Variants in MAP3K2 observed in about 807,000 individuals in gnomAD.
MAP3K2 encodes the protein MAP/ERK kinase kinase 2.
MAP3K2 carries 24 observed loss-of-function variants against 80.3 expected under a neutral mutation model. That is an observed-to-expected ratio of 0.30 (90% CI 0.22 to 0.42). The LOEUF is 0.42. Ranked by LOEUF, MAP3K2 falls within the 10% of genes least tolerant of loss-of-function variation. The pLI is 1.00. For missense variants in MAP3K2, 608 were observed against 750.1 expected (o/e 0.81, Z 2.21); for synonymous variants, 244 against 253.7 (o/e 0.96, Z 0.36).
At chr2:127,336,653 A>C (rs1276364971) in intron 4 of MAP3K2, among the ~76,000 whole-genome samples, 1 of 152,242 alleles carries the variant, frequency 6.6e-6, no homozygotes, top group Non-Finnish European at 1.5e-5. Flanking sequence ...TGAATGAAAA[A>C]ATTGGGAAAA....
chr2:127,311,429 T>C (rs1054476000), intron 15 of MAP3K2, among the ~76,000 whole-genome samples: 4 of 152,164 alleles, frequency 2.6e-5, no homozygotes, highest in Non-Finnish European at 4.4e-5. Context: ...TCACCAATAT[T>C]GAACCAATGC....
chr2:127,329,558 T>G (rs926341713), intron 7 of MAP3K2, among the ~76,000 whole-genome samples: 1 of 152,186 alleles, frequency 6.6e-6, no homozygotes, highest in African/African-American at 2.4e-5. Context: ...GGTTTCACCA[T>G]GTTGGCTAGG....
At chr2:127,375,359 C>T (rs927134156) in intron 1 of MAP3K2, among the ~76,000 whole-genome samples, 1 of 152,052 alleles carries the variant, frequency 6.6e-6, no homozygotes, top group African/African-American at 2.4e-5. Flanking sequence ...GACACAGACA[C>T]CATTCACTCC....
intron 1 of MAP3K2, among the ~76,000 whole-genome samples, chr2:127,375,418 A>T (rs12692066): frequency 0.41 from 57,314 of 141,010 alleles, 11,831 homozygotes; most frequent in African/African-American, 0.54. Flanking sequence ...TTATTTATTT[A>T]TTTTTTTTTT....
At chr2:127,316,219 CAAG>C (rs975534836) in intron 14 of MAP3K2, among the ~76,000 whole-genome samples, 1 of 151,824 alleles carries the variant, frequency 6.6e-6, no homozygotes, top group African/African-American at 2.4e-5. Flanking sequence ...ACTAAAAATA[CAAG>C]AATTAGCTGG....
rs1685573872 is a variant in MAP3K2 at position 127,300,660 on chromosome 2, A to C, written c.*6919T>G. The C allele has an allele frequency of 6.6e-6, 1 of 152,194 alleles. No individual in the cohort carries two copies. Among genetic ancestry groups the C allele is most frequent in the Admixed American group, 6.5e-5 (1 of 15,280 alleles). 9.4% of individuals were successfully genotyped at this position (152,194 alleles called of 1,614,324 possible). On this transcript the variant is annotated 3_prime_UTR_variant, in exon 17 of 17. Coordinates refer to ENST00000682094, the MANE Select transcript of MAP3K2 (RefSeq NM_001371910.2). ...ACCAATAACAATAGAAAAAATGTAA[A>C]CCATTTACTAATTAAGATTGCATTA... is the stretch of plus-strand genomic sequence containing the variant.
chr2:127,304,671 T>C lies in MAP3K2; in HGVS notation c.*2908A>G, dbSNP rs1685662083. On this transcript the variant is annotated 3_prime_UTR_variant, in exon 17 of 17. Coordinates refer to ENST00000682094, the MANE Select transcript of MAP3K2 (RefSeq NM_001371910.2). ...CTTAAAAAGTTCAAATTGCATTTGT[T>C]GATCCATATCATTATTAGAAAGAAG... 1 of 152,638 alleles carries C rather than the reference T, an allele frequency of 6.6e-6. No individual in the cohort carries two copies. The highest frequency in any genetic ancestry group is 1.5e-5 in the Non-Finnish European group (1 of 68,026). 9.5% of individuals were successfully genotyped at this position (152,638 alleles called of 1,614,324 possible).
At chr2:127,320,866 C>G (rs1340495503) in intron 12 of MAP3K2, among the ~76,000 whole-genome samples, 1 of 152,150 alleles carries the variant, frequency 6.6e-6, no homozygotes, top group East Asian at 1.9e-4. Context: ...CACCTGTAAT[C>G]CCAGCACTTT....
intron 1 of MAP3K2, among the ~76,000 whole-genome samples, chr2:127,384,754 C>T (rs1156819545): frequency 6.6e-6 from 1 of 152,042 alleles, no homozygotes; most frequent in African/African-American, 2.4e-5. Context: ...ACCTCCCCTC[C>T]CCGGCTCAAG....
At chr2:127,362,116 TTC>T (rs1484550443) in intron 1 of MAP3K2, among the ~76,000 whole-genome samples, 5 of 152,234 alleles carry the variant, frequency 3.3e-5, no homozygotes, top group African/African-American at 1.2e-4. Context: ...CATCCATACT[TTC>T]TCTCTCAGTG....
intron 1 of MAP3K2, among the ~76,000 whole-genome samples, chr2:127,387,166 C>T (rs1170144539): frequency 6.6e-6 from 1 of 152,182 alleles, no homozygotes; most frequent in Non-Finnish European, 1.5e-5. Flanking sequence ...CATCCCAAGA[C>T]CAGATGCAAC....
At chr2:127,350,469 A>G (rs1234893093) in intron 1 of MAP3K2, among the ~76,000 whole-genome samples, 2 of 149,062 alleles carry the variant, frequency 1.3e-5, no homozygotes, top group Non-Finnish European at 3.0e-5. Flanking sequence ...AAAAAAAAAA[A>G]AAGAAAGAAG....
At chr2:127,388,124 C>G, upstream of MAP3K2, 2 of 984,856 alleles carry the variant, frequency 2.0e-6, no homozygotes, top group Non-Finnish European at 2.4e-6. Context: ...CACACACAGG[C>G]CACCGCCCCC....
chr2:127,342,390 T>G (rs199998864), intron 2 of MAP3K2, among the ~76,000 whole-genome samples: 17 of 71,306 alleles, frequency 2.4e-4, no homozygotes, highest in African/African-American at 8.1e-4. Context: ...TTCATGAGGG[T>G]GTGTGTGTGT....
Position 127,307,764 on chromosome 2 carries a change from G to T in MAP3K2, c.1675C>A (p.Pro559Thr). The T allele has an allele frequency of 6.3e-7, 1 of 1,595,128 alleles. No homozygotes were observed. Among genetic ancestry groups the T allele is most frequent in the East Asian group, 2.3e-5 (1 of 44,412 alleles). The stretch of plus-strand genomic sequence containing the variant: ...ATTGCTTCAAATTCAGCCCAAGGCG[G>T]CTTTTCAGTTAGCATTTCTACCACA... ...CTVVEMLTEK[P>T]PWAEFEAMAA... The change falls in exon 17 of 17, where the codon CCG (proline) becomes ACG (threonine). Residue 559 changes from proline to threonine, a missense_variant. Physicochemically the swap from Pro to Thr is conservative, Grantham distance 38 (BLOSUM62 -1). Coordinates refer to ENST00000682094, the MANE Select transcript of MAP3K2 (RefSeq NM_001371910.2). This position sits in a 1 kb window ranked among gnomAD's most constrained non-coding sequence, Gnocchi z 5.4.
rs751518746 is a variant in MAP3K2 at position 127,336,004 on chromosome 2, A to G, written c.165-35T>C. 5.4e-6 allele frequency: 7 copies of G among 1,287,834 alleles called. No individual in the cohort carries two copies. In the East Asian group the frequency reaches 1.0e-4, roughly 19 times the overall value. 79.8% of individuals were successfully genotyped at this position (1,287,834 alleles called of 1,614,324 possible). ...CACAATTTTAAGATTTTATTTTCTT[A>G]GGCAAAGTTAAATAATAAACTTGCA... On this transcript the variant is annotated intron_variant, in intron 4 of 16. Coordinates refer to ENST00000682094, the MANE Select transcript of MAP3K2 (RefSeq NM_001371910.2).
At chr2:127,372,670 T>C (rs1687085485) in intron 1 of MAP3K2, among the ~76,000 whole-genome samples, 1 of 152,182 alleles carries the variant, frequency 6.6e-6, no homozygotes, top group African/African-American at 2.4e-5. Context: ...GGGGTCACTC[T>C]GCAGACCTCT....
intron 1 of MAP3K2, among the ~76,000 whole-genome samples, chr2:127,358,038 C>G (rs915046942): frequency 6.6e-6 from 1 of 151,938 alleles, no homozygotes; most frequent in Admixed American, 6.6e-5. Context: ...AAAACACAAG[C>G]CACAGACTAC....
chr2:127,358,878 A>C (rs1686837201), intron 1 of MAP3K2, among the ~76,000 whole-genome samples: 1 of 152,096 alleles, frequency 6.6e-6, no homozygotes, highest in African/African-American at 2.4e-5. Context: ...GCAGTGAGCC[A>C]AGATTCCACC....
Sources: gnomAD v4.1 joint callset for allele counts (sites outside exome capture counted in the v4.1 genomes callset) on GRCh38, gnomAD v4.1.1 for gene constraint, Gnocchi (gnomAD v3.1) non-coding constraint, MANE v1.5 for transcripts, NCBI Gene and HGNC (gene_info 2026-07-23, HGNC 2026-07-21) for gene names.